ME3: variants seen among roughly 807,000 people sequenced by gnomAD.
The protein encoded by ME3 is NADP-dependent malic enzyme, mitochondrial.
In ME3, 48 loss-of-function variants were observed where a neutral mutation model predicts 68.9. The observed-to-expected ratio is 0.70, with a 90% CI of 0.55 to 0.89. ME3 has a LOEUF of 0.89. Among genes scored for constraint, ME3 ranks in the 40% least tolerant of loss-of-function variants. ME3 has a pLI of 0.00. For missense variants in ME3, 675 were observed against 797.4 expected (o/e 0.85, Z 1.85); for synonymous variants, 320 against 318.8 (o/e 1.00, Z -0.04).
intron 2 of ME3, among the ~76,000 whole-genome samples, chr11:86,664,325 G>A (rs1009023328): frequency 1.3e-5 from 2 of 152,158 alleles, no homozygotes; most frequent in African/African-American, 4.8e-5. Flanking sequence ...ACATTCATGA[G>A]TATACAGTCT....
At chr11:86,492,665 G>A (rs911750372) in intron 6 of ME3, among the ~76,000 whole-genome samples, 8 of 152,232 alleles carry the variant, frequency 5.3e-5, no homozygotes, top group African/African-American at 1.9e-4. Context: ...AGTGGGTGAA[G>A]CAGAACTTTC....
intron 2 of ME3, among the ~76,000 whole-genome samples, chr11:86,650,690 A>G (rs1945345909): frequency 6.6e-6 from 1 of 152,192 alleles, no homozygotes; most frequent in Admixed American, 6.5e-5. Flanking sequence ...TGAATGATTT[A>G]TGCATTTCCA....
chr11:86,556,230 C>T (rs1003116029), intron 4 of ME3, among the ~76,000 whole-genome samples: 2 of 152,114 alleles, frequency 1.3e-5, no homozygotes, highest in Admixed American at 1.3e-4. Context: ...TGGAGGTGAC[C>T]AGAGGGGGTG....
chr11:86,610,638 C>T (rs1594657504), intron 2 of ME3, among the ~76,000 whole-genome samples: 1 of 147,262 alleles, frequency 6.8e-6, no homozygotes, highest in East Asian at 2.0e-4. Context: ...CTATTGGCAC[C>T]CTGTAGTTCT....
intron 4 of ME3, among the ~76,000 whole-genome samples, chr11:86,521,434 T>TA (rs1954299037): frequency 8.4e-5 from 9 of 107,424 alleles, no homozygotes; most frequent in Non-Finnish European, 1.6e-4. Context: ...AAAACAAAAA[T>TA]AATAATAATA....
chr11:86,521,791 T>A (rs111707065), intron 4 of ME3, among the ~76,000 whole-genome samples: 3 of 152,244 alleles, frequency 2.0e-5, no homozygotes, highest in Non-Finnish European at 4.4e-5. Flanking sequence ...GTGTCTACTA[T>A]AGAAAGTCAA....
At chr11:86,660,492 C>G (rs1565290880) in intron 2 of ME3, among the ~76,000 whole-genome samples, 1 of 152,226 alleles carries the variant, frequency 6.6e-6, no homozygotes, top group African/African-American at 2.4e-5. Context: ...TCATCCCTTT[C>G]ACAGACAAGG....
At chr11:86,489,759 G>T (rs547904247) in intron 6 of ME3, among the ~76,000 whole-genome samples, 1 of 152,236 alleles carries the variant, frequency 6.6e-6, no homozygotes, top group South Asian at 2.1e-4. Context: ...CTTCACAGGT[G>T]TCTGACCTGT....
At chr11:86,550,357 G>A (rs1956603500) in intron 4 of ME3, among the ~76,000 whole-genome samples, 1 of 152,168 alleles carries the variant, frequency 6.6e-6, no homozygotes, top group Non-Finnish European at 1.5e-5. Flanking sequence ...TGTTACTACA[G>A]ACTAATGAGC....
intron 4 of ME3, among the ~76,000 whole-genome samples, chr11:86,521,455 A>T (rs589174): frequency 0.2 from 21,685 of 109,516 alleles, 2,037 homozygotes; most frequent in African/African-American, 0.26. Flanking sequence ...ATAATAATAA[A>T]AAAATGGAGC....
At chr11:86,456,614 G>A (rs914398830) in intron 8 of ME3, among the ~76,000 whole-genome samples, 1 of 152,106 alleles carries the variant, frequency 6.6e-6, no homozygotes, top group Admixed American at 6.5e-5. Context: ...CAGCAGGAGA[G>A]GTGTTATGGG....
At chr11:86,597,733 C>T (rs571609504) in intron 2 of ME3, among the ~76,000 whole-genome samples, 5 of 152,076 alleles carry the variant, frequency 3.3e-5, no homozygotes, top group Non-Finnish European at 5.9e-5. Context: ...GACCACGGCC[C>T]GTGACAGGGC....
chr11:86,616,843 A>G (rs1336570431), intron 2 of ME3, among the ~76,000 whole-genome samples: 3 of 152,188 alleles, frequency 2.0e-5, no homozygotes, highest in Non-Finnish European at 4.4e-5. Context: ...AGAGGCACCA[A>G]TAGAAAAACT....
At chr11:86,511,387 T>G (rs1160266797) in intron 4 of ME3, among the ~76,000 whole-genome samples, 1 of 152,204 alleles carries the variant, frequency 6.6e-6, no homozygotes, top group African/African-American at 2.4e-5. Flanking sequence ...TTTCCATTCC[T>G]TTATGTGCCA....
At chr11:86,627,972 G>T (rs1215525335) in intron 2 of ME3, among the ~76,000 whole-genome samples, 1 of 152,092 alleles carries the variant, frequency 6.6e-6, no homozygotes, top group Non-Finnish European at 1.5e-5. Flanking sequence ...TCCAGCTAAA[G>T]TCCCCCCACC....
chr11:86,609,591 A>T (rs11234718), intron 2 of ME3, among the ~76,000 whole-genome samples: 5 of 152,038 alleles, frequency 3.3e-5, no homozygotes, highest in African/African-American at 9.7e-5. Flanking sequence ...ACACACACAC[A>T]CCCCTAACCA....
intron 2 of ME3, among the ~76,000 whole-genome samples, chr11:86,632,618 T>C (rs1540081): frequency 0.13 from 19,844 of 152,192 alleles, 1,771 homozygotes; most frequent in East Asian, 0.4. Context: ...GCCCCTCCAG[T>C]ACTGCATACA....
At chr11:86,439,102 A>G (rs1357728652), downstream of ME3, among the ~76,000 whole-genome samples, 1 of 152,216 alleles carries the variant, frequency 6.6e-6, no homozygotes, top group Non-Finnish European at 1.5e-5. Flanking sequence ...GATGAAGGCA[A>G]TTAGTGGAGG....
At chr11:86,628,445 G>C (rs1368083422) in intron 2 of ME3, among the ~76,000 whole-genome samples, 2 of 152,194 alleles carry the variant, frequency 1.3e-5, no homozygotes, top group Non-Finnish European at 2.9e-5. Context: ...GTTACTTGGG[G>C]AGCTTTTAAA....
Sources: allele counts gnomAD v4.1 joint callset (sites outside exome capture counted in the v4.1 genomes callset), GRCh38; gene constraint gnomAD v4.1.1; transcripts MANE v1.5; gene names NCBI Gene and HGNC (gene_info 2026-07-23, HGNC 2026-07-21).